The following POU6F2 variants were observed in gnomAD, a reference collection of about 807,000 sequenced individuals.
The protein encoded by POU6F2 is POU class 6 homeobox 2, also known as POU domain, class 6, transcription factor 2.
POU6F2 carries 31 observed loss-of-function variants against 71.3 expected under a neutral mutation model. The observed-to-expected ratio is 0.43, with a 90% confidence interval of 0.33 to 0.59. The LOEUF is 0.59. POU6F2 is among the 20% of genes least tolerant of loss of function. The pLI is 0.04. For synonymous variants in POU6F2, 347 were observed against 355.7 expected (o/e 0.98, Z 0.27); for missense variants, 783 against 856.8 (o/e 0.91, Z 1.07).
intron 5 of POU6F2, among the ~76,000 whole-genome samples, chr7:39,343,510 A>C (rs1785966053): frequency 6.6e-6 from 1 of 152,120 alleles, no homozygotes; most frequent in Admixed American, 6.5e-5. Flanking sequence ...GACCTTTAAG[A>C]AGAATTTTCT....
intron 1 of POU6F2, among the ~76,000 whole-genome samples, chr7:38,985,851 G>T (rs923459698): frequency 6.6e-6 from 1 of 152,058 alleles, no homozygotes; most frequent in Non-Finnish European, 1.5e-5. Context: ...GGGAACGAAG[G>T]CTAATATGGC....
Position 39,012,772 on chromosome 7 carries a change from G to C in POU6F2, c.105+34714G>C, listed in dbSNP as rs1369222758. On this transcript the variant is annotated intron_variant, in intron 1 of 9. Transcript: ENST00000518318. ...AGGACCCTCAGCTGCAGGTCTGTTG[G>C]AATACCCTGCCGTGTGAGGTGTCAG... Among the ~76,000 whole-genome samples the C allele has an allele frequency of 6.0e-5, 9 of 150,334 alleles. No individual in the cohort carries two copies. In the South Asian group the frequency reaches 6.3e-4, roughly 10 times the overall value.
intron 5 of POU6F2, among the ~76,000 whole-genome samples, chr7:39,369,969 C>T (rs1786576657): frequency 6.6e-6 from 1 of 152,102 alleles, no homozygotes; most frequent in East Asian, 1.9e-4. Context: ...ACTGCCACCG[C>T]ACCCAGCCTA....
intron 2 of POU6F2, among the ~76,000 whole-genome samples, chr7:39,118,117 TCTC>T: frequency 6.6e-6 from 1 of 152,244 alleles, no homozygotes; most frequent in East Asian, 1.9e-4. Flanking sequence ...ACAGGGTTCT[TCTC>T]TGGAGAAATG....
chr7:39,431,181 G>A (rs1050500100), intron 6 of POU6F2, among the ~76,000 whole-genome samples: 2 of 152,180 alleles, frequency 1.3e-5, no homozygotes, highest in African/African-American at 4.8e-5. Context: ...CACTCCCTAG[G>A]GGACAGCTGA....
chr7:39,378,512 C>T (rs974784016), intron 5 of POU6F2, among the ~76,000 whole-genome samples: 3 of 152,260 alleles, frequency 2.0e-5, no homozygotes, highest in African/African-American at 7.2e-5. Flanking sequence ...AATGGAAGAG[C>T]GTGAACCAAG....
chr7:39,087,151 AATTAATTAATTTATTTATTTATTT>A (rs1459106190), intron 2 of POU6F2, among the ~76,000 whole-genome samples: 1 of 58,858 alleles, frequency 1.7e-5, no homozygotes, highest in Non-Finnish European at 3.7e-5. Context: ...TTTATTAATT[AATTAATTAATTTATTTATTTATTT>A]ATTTATTTAT....
In POU6F2 at chr7:39,451,661, C is replaced by T. The variant is rs150437987; in HGVS notation, c.1449C>T (p.Ser483=). 1.5e-3 allele frequency: 2,463 copies of T among 1,610,434 alleles called. 16 individuals are homozygous for T. The highest frequency in any genetic ancestry group is 2.1e-3 in the Middle Eastern group (13 of 6,062). Residue 483 remains serine, a synonymous_variant, in exon 8 of 10, where the codon TCC becomes TCT. Coordinates refer to ENST00000518318, the MANE Select transcript of POU6F2 (RefSeq NM_001370959.1). ...AGGCTTCCTCTTCTTCCTCCTCATC[C>T]TCCTCTTCTTCAGCTTTGAGCGTGG... ...VRQASSSSSS[S]SSSSALSVGQ... is the part of the protein sequence containing the mutation.
chr7:39,311,798 A>T (rs1347195760), intron 4 of POU6F2, among the ~76,000 whole-genome samples: 1 of 152,236 alleles, frequency 6.6e-6, no homozygotes, highest in East Asian at 1.9e-4. Context: ...GCAAATGAAG[A>T]ATTTATCCTG....
At chr7:39,274,036 C>T (rs1316165757) in intron 4 of POU6F2, among the ~76,000 whole-genome samples, 3 of 152,080 alleles carry the variant, frequency 2.0e-5, no homozygotes, top group Non-Finnish European at 4.4e-5. Context: ...CAGTTGTATT[C>T]AAGAATTTGG....
intron 5 of POU6F2, chr7:39,405,109 G>C (rs1208651560): frequency 1.3e-5 from 2 of 152,016 alleles, no homozygotes; most frequent in African/African-American, 4.8e-5. Context: ...AAATGTGCTG[G>C]GTCAGCAGAA....
chr7:38,983,033 CAT>C (rs1162933303), intron 1 of POU6F2, among the ~76,000 whole-genome samples: 1 of 152,032 alleles, frequency 6.6e-6, no homozygotes, highest in Non-Finnish European at 1.5e-5. Context: ...ATATAATTAA[CAT>C]GTCTGCAAAT....
intron 3 of POU6F2, among the ~76,000 whole-genome samples, chr7:39,204,786 A>G (rs1330569608): frequency 2.0e-5 from 3 of 152,346 alleles, no homozygotes; most frequent in East Asian, 3.9e-4. Flanking sequence ...TACATCACAC[A>G]TAGCTCTTGC....
At position 39,464,228 on chromosome 7, in the gene POU6F2, G is replaced by A. The variant is rs1301179209; in HGVS notation, c.1705G>A (p.Glu569Lys). The A allele has an allele frequency of 6.2e-7, 1 of 1,613,962 alleles. No homozygotes were observed. Among genetic ancestry groups the A allele is most frequent in the South Asian group, 1.1e-5 (1 of 91,084 alleles). ...CTTTTTCCTACCACAGGAAGCCCAA[G>A]AGAACACTATAGCTAGCAGTCTGAC... ...SHFFLPQEAQ[E>K]NTIASSLTAK... is the part of the protein sequence containing the mutation. The change falls in exon 10 of 10, where the codon GAG (glutamate) becomes AAG (lysine). Residue 569 changes from glutamate (E) to lysine (K), a missense_variant. Glu to Lys is a moderately conservative substitution (Grantham distance 56). Around this residue, in one of 2 missense-constraint regions of POU6F2, gnomAD observed 211 missense variants for 283.9 expected, o/e 0.74. Coordinates refer to ENST00000518318, the MANE Select transcript of POU6F2 (RefSeq NM_001370959.1). This position sits in a 1 kb window ranked among gnomAD's most constrained non-coding sequence, Gnocchi z 4.1.
intron 2 of POU6F2, among the ~76,000 whole-genome samples, chr7:39,202,409 A>T (rs940037160): frequency 9.2e-5 from 14 of 152,238 alleles, no homozygotes; most frequent in Admixed American, 3.3e-4. Flanking sequence ...CTCTTTTCAT[A>T]GTCTGGTATA....
At chr7:39,422,177 A>T (rs1787864390) in intron 6 of POU6F2, among the ~76,000 whole-genome samples, 1 of 152,236 alleles carries the variant, frequency 6.6e-6, no homozygotes. Context: ...GTTTATCCAT[A>T]AAAATGTGTC....
intron 4 of POU6F2, among the ~76,000 whole-genome samples, chr7:39,236,281 T>A (rs1794674780): frequency 6.6e-6 from 1 of 152,182 alleles, no homozygotes; most frequent in Non-Finnish European, 1.5e-5. Flanking sequence ...CAGTGATGAG[T>A]ACTCTGAGAA....
chr7:39,227,546 G>T lies in POU6F2; in HGVS notation c.598+19926G>T, dbSNP rs866589713. ...TGAATCTGAGGTACCTCGTGACATT[G>T]GTACCTTTTTTTTTTTTTTTTTTTT... On this transcript the variant is annotated intron_variant, in intron 4 of 9. Transcript: ENST00000518318. Among the ~76,000 whole-genome samples the T allele has an allele frequency of 3.7e-4, 54 of 146,928 alleles. No individual in the cohort carries two copies. In the South Asian group the frequency reaches 6.5e-3, roughly 18 times the overall value.
At chr7:39,224,090 T>C (rs888661426) in intron 4 of POU6F2, among the ~76,000 whole-genome samples, 2 of 152,132 alleles carry the variant, frequency 1.3e-5, no homozygotes, top group Non-Finnish European at 2.9e-5. Flanking sequence ...CCCCATACTC[T>C]AGCCACAAAT....
Sources: allele counts gnomAD v4.1 joint callset (sites outside exome capture counted in the v4.1 genomes callset), GRCh38; gene constraint gnomAD v4.1.1; regional missense constraint gnomAD v4.1.1; non-coding constraint Gnocchi (gnomAD v3.1); transcripts MANE v1.5; gene names NCBI Gene and HGNC (gene_info 2026-07-23, HGNC 2026-07-21).